Variants in VPS13B observed in about 807,000 individuals in gnomAD.
VPS13B encodes the protein vacuolar protein sorting 13 homolog B.
Under a neutral mutation model 426.4 loss-of-function variants are expected in VPS13B, and 285 were observed. That is an observed-to-expected ratio of 0.67 (90% CI 0.61 to 0.74). The LOEUF is 0.74. Ranked by LOEUF, VPS13B falls within the 30% of genes least tolerant of loss-of-function variation. The pLI, the probability that VPS13B is intolerant of heterozygous loss-of-function variation, is 0.00. For missense variants in VPS13B, 4,537 were observed against 4,782.6 expected, an observed-to-expected ratio of 0.95 and a Z score of 1.51; for synonymous variants, 1,676 against 1,676.4, an observed-to-expected ratio of 1.00 and a Z score of 0.01.
intron 17 of VPS13B, among the ~76,000 whole-genome samples, chr8:99,250,830 A>T (rs181400345): frequency 1.1e-3 from 165 of 151,424 alleles, no homozygotes; most frequent in African/African-American, 3.9e-3. Flanking sequence ...GGGACTACAT[A>T]AATAATCTTT....
intron 33 of VPS13B, among the ~76,000 whole-genome samples, chr8:99,587,865 CT>C (rs1263013344): frequency 6.6e-6 from 1 of 151,678 alleles, no homozygotes. Flanking sequence ...GTTGTCATTG[CT>C]TTTGGTGTTT....
intron 17 of VPS13B, among the ~76,000 whole-genome samples, chr8:99,248,134 A>G (rs917247409): frequency 6.6e-6 from 1 of 152,202 alleles, no homozygotes; most frequent in Non-Finnish European, 1.5e-5. Context: ...GACTAAAACT[A>G]TTAAGATATT....
At chr8:99,079,236 G>C (rs565434307) in intron 3 of VPS13B, among the ~76,000 whole-genome samples, 16 of 152,250 alleles carry the variant, frequency 1.1e-4, no homozygotes, top group Non-Finnish European at 1.8e-4. Context: ...TTCCTGGATG[G>C]TGTGTGCAAG....
intron 17 of VPS13B, among the ~76,000 whole-genome samples, chr8:99,195,444 A>G (rs2132737227): frequency 6.6e-6 from 1 of 152,238 alleles, no homozygotes; most frequent in South Asian, 2.1e-4. Flanking sequence ...TTTTCTTATT[A>G]TTGAGTTGAG....
chr8:99,875,355 T>C, intron 61 of VPS13B, 63 bp from the exon 62 acceptor site: 4 of 1,609,554 alleles, frequency 2.5e-6, no homozygotes, highest in Non-Finnish European at 3.4e-6. Context: ...GCAAAAGAAC[T>C]AATTTTGTTC....
intron 19 of VPS13B, among the ~76,000 whole-genome samples, chr8:99,297,968 A>C (rs752452459): frequency 3.3e-5 from 5 of 152,124 alleles, no homozygotes; most frequent in Non-Finnish European, 7.4e-5. Context: ...CTAATTTTTT[A>C]CCAATAGAAA....
At position 99,143,081 on chromosome 8, in the gene VPS13B, G is replaced by T. The variant is rs770981688; in HGVS notation, c.1759G>T (p.Asp587Tyr). Residue 587 changes from aspartate to tyrosine, a missense_variant, in exon 13 of 62, where the codon GAT becomes TAT. Coordinates refer to ENST00000357162, the MANE Select transcript of VPS13B (RefSeq NM_152564.5). ...LVIGPLDFRL[D>Y]SSAVHRILKM... Reference sequence around the variant, plus strand: ...TATAGGTCCTCTTGATTTTCGTTTGGATAGCAGTGCGGTGCATAGGATTTT... The same window carrying T: ...TATAGGTCCTCTTGATTTTCGTTTGTATAGCAGTGCGGTGCATAGGATTTT... The T allele has an allele frequency of 1.2e-6, 2 of 1,614,030 alleles. No homozygotes were observed. The highest frequency in any genetic ancestry group is 2.2e-5 in the South Asian group (2 of 91,078).
At position 99,875,406 on chromosome 8, in the gene VPS13B, T is replaced by TTTGGATCC. The variant is rs756943075; in HGVS notation, c.11746-10_11746-3dup. 6.2e-6 allele frequency: 10 copies of TTTGGATCC among 1,614,192 alleles called. No individual in the cohort carries two copies. The South Asian group carries it at 8.8e-5, about 14-fold the overall frequency. On this transcript the variant is annotated splice_polypyrimidine_tract_variant and intron_variant, in intron 61 of 61. Transcript: ENST00000357162. ...GGTCTGGCAACTAATCTTTATTATT[T>TTTGGATCC]TTGGATCCTAGGTAGATGGAGTCCG... is the stretch of plus-strand genomic sequence containing the variant.
chr8:99,071,072 T>C (rs1042505669), intron 3 of VPS13B, among the ~76,000 whole-genome samples: 5 of 152,296 alleles, frequency 3.3e-5, no homozygotes, highest in East Asian at 1.9e-4. Context: ...TATCTCTGTC[T>C]CTTCAGGATT....
chr8:99,534,071 C>CAG (rs141189596), intron 30 of VPS13B, among the ~76,000 whole-genome samples: 99 of 150,962 alleles, frequency 6.6e-4, no homozygotes, highest in African/African-American at 1.9e-3. Flanking sequence ...TTTAGTAAGT[C>CAG]AGAGAGAGAG....
At chr8:99,324,064 A>C (rs889869548) in intron 19 of VPS13B, among the ~76,000 whole-genome samples, 2 of 152,190 alleles carry the variant, frequency 1.3e-5, no homozygotes, top group African/African-American at 4.8e-5. Flanking sequence ...TTCATACTCC[A>C]TGATTCTTGC....
intron 3 of VPS13B, among the ~76,000 whole-genome samples, chr8:99,088,998 A>G (rs1175006402): frequency 6.6e-6 from 1 of 152,072 alleles, no homozygotes; most frequent in East Asian, 1.9e-4. Flanking sequence ...TTTTCTCAGG[A>G]TAAGGAAAGG....
intron 32 of VPS13B, 58 bp from the exon 33 acceptor site, chr8:99,577,432 A>G: frequency 6.2e-7 from 1 of 1,608,368 alleles, no homozygotes. Context: ...AAGAATGATA[A>G]ATTATCATCT....
chr8:99,456,593 A>G (rs1818474566), intron 23 of VPS13B, among the ~76,000 whole-genome samples: 1 of 152,214 alleles, frequency 6.6e-6, no homozygotes, highest in Middle Eastern at 3.2e-3. Flanking sequence ...AAACAATTCT[A>G]TATAATTCTT....
intron 30 of VPS13B, among the ~76,000 whole-genome samples, chr8:99,522,392 G>C (rs938339258): frequency 6.6e-6 from 1 of 151,886 alleles, no homozygotes; most frequent in African/African-American, 2.4e-5. Context: ...CTTTCCTTCT[G>C]TACCCTTTCC....
chr8:99,181,850 T>C (rs1386616206), intron 16 of VPS13B, among the ~76,000 whole-genome samples: 1 of 151,956 alleles, frequency 6.6e-6, no homozygotes, highest in African/African-American at 2.4e-5. Context: ...GTTAAGAAAA[T>C]AAACTGAGGA....
intron 19 of VPS13B, among the ~76,000 whole-genome samples, chr8:99,365,674 G>A (rs1277721964): frequency 2.6e-5 from 4 of 151,570 alleles, no homozygotes; most frequent in South Asian, 2.1e-4. Context: ...ACACCACCAC[G>A]CATGGCTAAT....
chr8:99,853,665 G>T lies in VPS13B; in HGVS notation c.10276G>T (p.Asp3426Tyr). The change falls in exon 56 of 62, where the codon GAC becomes TAC. Residue 3426 changes from aspartate (D) to tyrosine (Y), a missense_variant. This residue lies in a region of VPS13B where 4,311 missense variants were observed against 4,474.3 expected (regional missense o/e 0.96). Coordinates refer to ENST00000357162, the MANE Select transcript of VPS13B (RefSeq NM_152564.5). Reference sequence around the variant, plus strand: ...TTACTGTGTGGAGATCTGCTGTGGGGACCTGCAGCTAGACAACCAGCTTTA... The same window carrying T: ...TTACTGTGTGGAGATCTGCTGTGGGTACCTGCAGCTAGACAACCAGCTTTA... ...ELYCVEICCG[D>Y]LQLDNQLYNK... The T allele has an allele frequency of 6.2e-7, 1 of 1,614,168 alleles. No individual in the cohort carries two copies. Among genetic ancestry groups the T allele is most frequent in the Non-Finnish European group, 8.5e-7 (1 of 1,180,034 alleles).
At chr8:99,798,377 A>AT (rs1343933193) in intron 43 of VPS13B, among the ~76,000 whole-genome samples, 1 of 152,030 alleles carries the variant, frequency 6.6e-6, no homozygotes, top group Non-Finnish European at 1.5e-5. Context: ...GCATATTTGG[A>AT]TTTTTTTCAT....
Sources: gnomAD v4.1 joint callset for allele counts (sites outside exome capture counted in the v4.1 genomes callset) on GRCh38, gnomAD v4.1.1 for gene constraint, gnomAD v4.1.1 regional missense constraint, MANE v1.5 for transcripts, NCBI Gene and HGNC (gene_info 2026-07-23, HGNC 2026-07-21) for gene names.